The following AEBP2 variants were observed in gnomAD, a reference collection of about 807,000 sequenced individuals.
AEBP2 encodes the protein zinc finger protein AEBP2.
A neutral mutation model predicts 50.8 loss-of-function variants in AEBP2; 10 were observed. That is an observed-to-expected ratio of 0.20 (90% CI 0.12 to 0.33). The LOEUF (loss-of-function observed/expected upper bound fraction) is 0.33. AEBP2 is among the 10% of genes least tolerant of loss of function. The pLI, the probability that AEBP2 is intolerant of heterozygous loss-of-function variation, is 1.00. For synonymous variants in AEBP2, 296 were observed against 261.3 expected (o/e 1.13, Z -1.28); for missense variants, 570 against 688.0 (o/e 0.83, Z 1.92).
At chr12:19,423,897 C>T (rs1437088827) in intron 1 of AEBP2, among the ~76,000 whole-genome samples, 1 of 152,130 alleles carries the variant, frequency 6.6e-6, no homozygotes, top group Non-Finnish European at 1.5e-5. Flanking sequence ...GGTGTCCAGT[C>T]CTCCTCATGT....
At chr12:19,456,945 C>A (rs12822904) in intron 1 of AEBP2, 224,436 of 1,494,290 alleles carry the variant, frequency 0.15, 18,371 homozygotes, top group Middle Eastern at 0.18. Context: ...AGTCCAGAGC[C>A]TCAAGCAGCA....
At chr12:19,493,164 G>C (rs1948919556) in intron 3 of AEBP2, among the ~76,000 whole-genome samples, 1 of 152,192 alleles carries the variant, frequency 6.6e-6, no homozygotes. Context: ...CACTTTGGGA[G>C]GCCAAAGCAG....
At chr12:19,449,254 A>G (rs1486186451) in intron 1 of AEBP2, among the ~76,000 whole-genome samples, 1 of 152,132 alleles carries the variant, frequency 6.6e-6, no homozygotes, top group Non-Finnish European at 1.5e-5. Flanking sequence ...GGTGTTCTTC[A>G]TAGTGGATTT....
Position 19,518,709 on chromosome 12 carries a change from A to G in AEBP2, c.*592A>G. 6.7e-7 allele frequency: 1 copy of G among 1,494,462 alleles called. No homozygotes were observed. Among genetic ancestry groups the G allele is most frequent in the Admixed American group, 2.0e-5 (1 of 49,942 alleles). The allele number at this position is 1,494,462 out of a possible 1,614,324, so 92.6% of individuals were successfully genotyped here. ...AAGAAAAGTGTTCAATTTGTATTTAAGCAAACAGTGAACGACGTTTGCAAT... is the reference window on the plus strand; with the variant it reads ...AAGAAAAGTGTTCAATTTGTATTTAGGCAAACAGTGAACGACGTTTGCAAT... On this transcript the variant is annotated 3_prime_UTR_variant, in exon 8 of 8. Coordinates refer to ENST00000266508, the MANE Select transcript of AEBP2 (RefSeq NM_153207.5).
At chr12:19,448,836 T>C (rs1592723267) in intron 1 of AEBP2, among the ~76,000 whole-genome samples, 1 of 151,984 alleles carries the variant, frequency 6.6e-6, no homozygotes, top group East Asian at 1.9e-4. Flanking sequence ...TGCACTACCA[T>C]GCCCAGCTGC....
upstream of AEBP2, among the ~76,000 whole-genome samples, chr12:19,438,852 T>G (rs933985730): frequency 7.2e-5 from 11 of 152,220 alleles, no homozygotes; most frequent in African/African-American, 1.2e-4. Flanking sequence ...ATCCCTATGG[T>G]ATTTAGAATC....
At chr12:19,419,375 G>T (rs1434049706) in intron 1 of AEBP2, among the ~76,000 whole-genome samples, 1 of 151,702 alleles carries the variant, frequency 6.6e-6, no homozygotes, top group Non-Finnish European at 1.5e-5. Context: ...GGATCACGAG[G>T]TCAGGAAATC....
At chr12:19,439,349 C>A (rs768226946), upstream of AEBP2, among the ~76,000 whole-genome samples, 1 of 137,926 alleles carries the variant, frequency 7.3e-6, no homozygotes, top group Non-Finnish European at 1.5e-5. Context: ...GGGAAGGCCC[C>A]GAGGAAACGC....
rs1245746074 is a variant in AEBP2 at position 19,439,950 on chromosome 12, A to G, written c.251A>G (p.Glu84Gly). 2.0e-6 allele frequency: 3 copies of G among 1,514,446 alleles called. No homozygotes were observed. The highest frequency in any genetic ancestry group is 2.6e-6 in the Non-Finnish European group (3 of 1,139,138). 93.8% of individuals were successfully genotyped at this position (1,514,446 alleles called of 1,614,324 possible). A position where few individuals can be genotyped will look rare whatever the true frequency, so the allele number is the denominator to read the frequency against. The change falls in exon 1 of 8, where the codon GAG becomes GGG. Residue 84 changes from glutamate (E) to glycine (G), a missense_variant. This residue lies in a region of AEBP2 where 386 missense variants were observed against 336.8 expected (regional missense o/e 1.15). Transcript: ENST00000266508. ...GGCGGCGAGGCAGAGACGATGTCGG[A>G]GCCGAGCCCCGAGAGCGCCAGCCAG... is the stretch of plus-strand genomic sequence containing the variant. ...VGGGEAETMSEPSPESASQAG... is the reference protein window; with the variant it reads ...VGGGEAETMSGPSPESASQAG...
chr12:19,490,761 C>T (rs538172827), intron 3 of AEBP2, among the ~76,000 whole-genome samples: 2 of 152,204 alleles, frequency 1.3e-5, no homozygotes, highest in African/African-American at 2.4e-5. Flanking sequence ...CCACTGTGCT[C>T]GGCTCAGGTT....
intron 1 of AEBP2, chr12:19,413,243 G>C (rs950097312): frequency 2.2e-6 from 2 of 923,556 alleles, no homozygotes; most frequent in Non-Finnish European, 3.6e-6. Context: ...TCAGTCGGCC[G>C]GGCCAGGTTT....
At chr12:19,493,719 A>G in intron 3 of AEBP2, 81 bp from the exon 4 acceptor site, 1 of 1,327,570 alleles carries the variant, frequency 7.5e-7, no homozygotes, top group Non-Finnish European at 1.0e-6. Flanking sequence ...ACTTCCGAAA[A>G]TACTAGATAT....
At chr12:19,513,462 C>T (rs1476812543) in intron 6 of AEBP2, among the ~76,000 whole-genome samples, 3 of 152,166 alleles carry the variant, frequency 2.0e-5, no homozygotes, top group South Asian at 2.1e-4. Flanking sequence ...ACCTAATTCA[C>T]GTATGTGGCC....
intron 1 of AEBP2, among the ~76,000 whole-genome samples, chr12:19,462,289 AT>A (rs1948393425): frequency 6.6e-6 from 1 of 151,990 alleles, no homozygotes; most frequent in Non-Finnish European, 1.5e-5. Context: ...AAATTATTCC[AT>A]TTCTGATTTT....
At chr12:19,434,474 T>G (rs530081978) in intron 1 of AEBP2, among the ~76,000 whole-genome samples, 1 of 152,002 alleles carries the variant, frequency 6.6e-6, no homozygotes, top group Non-Finnish European at 1.5e-5. Flanking sequence ...TGCCTGGCCC[T>G]TAGATTAGTA....
At chr12:19,465,122 C>T (rs774932365) in intron 2 of AEBP2, among the ~76,000 whole-genome samples, 20 of 151,932 alleles carry the variant, frequency 1.3e-4, no homozygotes, top group Non-Finnish European at 2.5e-4. Flanking sequence ...TGGCCGGGCG[C>T]GGTGGCTCGT....
intron 1 of AEBP2, among the ~76,000 whole-genome samples, chr12:19,418,013 A>G (rs778224508): frequency 6.6e-6 from 1 of 152,032 alleles, no homozygotes; most frequent in Non-Finnish European, 1.5e-5. Context: ...AAGAATCTCT[A>G]TTAACACAAC....
At chr12:19,496,693 T>G (rs1948987173) in intron 4 of AEBP2, among the ~76,000 whole-genome samples, 1 of 150,132 alleles carries the variant, frequency 6.7e-6, no homozygotes, top group South Asian at 2.1e-4. Flanking sequence ...ACAGGGTCTC[T>G]CTCTGTCACC....
At chr12:19,476,335 T>C (rs1027337078) in intron 3 of AEBP2, among the ~76,000 whole-genome samples, 2 of 152,062 alleles carry the variant, frequency 1.3e-5, no homozygotes, top group African/African-American at 2.4e-5. Context: ...TTCCCCACTT[T>C]ATGGTTTTTA....
Sources: allele counts gnomAD v4.1 joint callset (sites outside exome capture counted in the v4.1 genomes callset), GRCh38; gene constraint gnomAD v4.1.1; regional missense constraint gnomAD v4.1.1; transcripts MANE v1.5; gene names NCBI Gene and HGNC (gene_info 2026-07-23, HGNC 2026-07-21).